Variants in WWOX observed in about 807,000 individuals in gnomAD.
WWOX encodes WW domain containing oxidoreductase.
Under a neutral mutation model 46.2 loss-of-function variants are expected in WWOX, and 69 were observed. The observed-to-expected ratio is 1.49, with a 90% CI of 1.23 to 1.82. WWOX has a LOEUF of 1.82. Ranked by LOEUF, WWOX falls within the 40% of genes most tolerant of loss-of-function variation. The probability of loss-of-function intolerance (pLI) is 0.00; values close to 1 mark genes in which losing one functional copy is unlikely to be tolerated. For synonymous variants in WWOX, 359 were observed against 202.6 expected (o/e 1.77, Z -6.56); for missense variants, 919 against 542.6 (o/e 1.69, Z -6.89).
intron 8 of WWOX, among the ~76,000 whole-genome samples, chr16:79,052,287 T>G (rs781322747): frequency 1.3e-5 from 2 of 150,446 alleles, no homozygotes; most frequent in Non-Finnish European, 3.0e-5. Flanking sequence ...AGAATATGCG[T>G]TGTTTGGTGT....
chr16:78,985,692 C>T (rs776877477), intron 8 of WWOX, among the ~76,000 whole-genome samples: 2 of 152,210 alleles, frequency 1.3e-5, no homozygotes, highest in Non-Finnish European at 2.9e-5. Flanking sequence ...TTGCTTGAAT[C>T]CAAGAGATGG....
intron 8 of WWOX, among the ~76,000 whole-genome samples, chr16:78,877,138 G>A (rs1353068987): frequency 2.0e-5 from 3 of 152,144 alleles, no homozygotes; most frequent in African/African-American, 7.2e-5. Context: ...TCCTTCATCT[G>A]TTAATTTAGT....
chr16:78,642,927 T>C (rs2046754793), intron 8 of WWOX, among the ~76,000 whole-genome samples: 2 of 152,210 alleles, frequency 1.3e-5, no homozygotes, highest in African/African-American at 4.8e-5. Context: ...CCTGGGATGA[T>C]AGCTTATAAT....
intron 8 of WWOX, among the ~76,000 whole-genome samples, chr16:78,856,877 G>T (rs2052579323): frequency 6.6e-6 from 1 of 152,112 alleles, no homozygotes; most frequent in African/African-American, 2.4e-5. Context: ...CCATCATAGA[G>T]TATACCTATA....
intron 8 of WWOX, among the ~76,000 whole-genome samples, chr16:79,006,996 CT>C (rs1349216032): frequency 6.6e-6 from 1 of 152,100 alleles, no homozygotes; most frequent in Non-Finnish European, 1.5e-5. Context: ...GTCGCGTAAC[CT>C]AACATATTCA....
chr16:78,314,170 G>A (rs1291658959), intron 5 of WWOX, among the ~76,000 whole-genome samples: 1 of 152,040 alleles, frequency 6.6e-6, no homozygotes, highest in Non-Finnish European at 1.5e-5. Flanking sequence ...ACTTTGGGAG[G>A]CAGAGGCTGG....
At chr16:78,326,252 G>A (rs1008576716) in intron 5 of WWOX, among the ~76,000 whole-genome samples, 8 of 152,186 alleles carry the variant, frequency 5.3e-5, no homozygotes, top group African/African-American at 1.9e-4. Context: ...AAAACACAAC[G>A]GTTGCTGTCA....
intron 5 of WWOX, among the ~76,000 whole-genome samples, chr16:78,188,239 C>G (rs779333685): frequency 2.0e-5 from 3 of 152,082 alleles, no homozygotes; most frequent in African/African-American, 4.8e-5. Flanking sequence ...CCTGTAATCC[C>G]AGCACTTTGG....
At chr16:78,737,667 A>T (rs982620282) in intron 8 of WWOX, among the ~76,000 whole-genome samples, 2 of 152,142 alleles carry the variant, frequency 1.3e-5, no homozygotes, top group Non-Finnish European at 2.9e-5. Context: ...CTCCCAGTCT[A>T]CAGGGTTATA....
chr16:78,353,078 G>T (rs1449748172), intron 5 of WWOX, among the ~76,000 whole-genome samples: 1 of 151,890 alleles, frequency 6.6e-6, no homozygotes, highest in Non-Finnish European at 1.5e-5. Context: ...TTTGTATGAG[G>T]AATAAATAAA....
chr16:78,304,158 C>G (rs1038326023), intron 5 of WWOX, among the ~76,000 whole-genome samples: 3 of 152,196 alleles, frequency 2.0e-5, no homozygotes, highest in South Asian at 4.1e-4. Context: ...GGCCTCTTCT[C>G]CCGATCAGCT....
At chr16:78,661,519 T>C (rs764341416) in intron 8 of WWOX, among the ~76,000 whole-genome samples, 5 of 152,176 alleles carry the variant, frequency 3.3e-5, no homozygotes, top group African/African-American at 1.2e-4. Flanking sequence ...ATTAAACATT[T>C]ATGATTTAGC....
At chr16:78,160,110 C>T (rs2034742528) in intron 4 of WWOX, among the ~76,000 whole-genome samples, 1 of 151,708 alleles carries the variant, frequency 6.6e-6, no homozygotes, top group Non-Finnish European at 1.5e-5. Context: ...TTTCTTTAGG[C>T]TTAATTTGCT....
At position 79,211,742 on chromosome 16, in the gene WWOX, G is replaced by C. The variant is rs749223740; in HGVS notation, c.1191G>C (p.Leu397=). ...AGAGCGAAGAGACGGCCCGGACCCTGTGGGCGCTCAGCGAGAGGCTGATCC... is the reference window on the plus strand; with the variant it reads ...AGAGCGAAGAGACGGCCCGGACCCTCTGGGCGCTCAGCGAGAGGCTGATCC... ...EAQSEETART[L]WALSERLIQE... Residue 397 remains leucine, a synonymous_variant, in exon 9 of 9, where the codon CTG becomes CTC. Coordinates refer to ENST00000566780, the MANE Select transcript of WWOX (RefSeq NM_016373.4). 6.2e-7 allele frequency: 1 copy of C among 1,614,214 alleles called. No homozygotes were observed. The highest frequency in any genetic ancestry group is 8.5e-7 in the Non-Finnish European group (1 of 1,180,028).
intron 8 of WWOX, among the ~76,000 whole-genome samples, chr16:78,757,771 A>C (rs1365581009): frequency 6.6e-6 from 1 of 151,984 alleles, no homozygotes; most frequent in Non-Finnish European, 1.5e-5. Context: ...TGATTGACAG[A>C]TAGCGACCTT....
intron 8 of WWOX, among the ~76,000 whole-genome samples, chr16:78,900,243 C>T (rs1314868471): frequency 6.6e-6 from 1 of 151,944 alleles, no homozygotes; most frequent in East Asian, 1.9e-4. Flanking sequence ...CTTTTCTCCT[C>T]CTGTTTTGTG....
At chr16:78,764,311 T>A (rs182201973) in intron 8 of WWOX, among the ~76,000 whole-genome samples, 33 of 151,844 alleles carry the variant, frequency 2.2e-4, no homozygotes, top group African/African-American at 7.5e-4. Flanking sequence ...TATGGCCTTT[T>A]GGTCAGCATT....
At chr16:78,592,302 A>G (rs1212972981) in intron 8 of WWOX, among the ~76,000 whole-genome samples, 1 of 152,186 alleles carries the variant, frequency 6.6e-6, no homozygotes, top group Non-Finnish European at 1.5e-5. Context: ...TTCTGCCAAG[A>G]TGTGGAATTT....
At chr16:78,971,041 C>G (rs1038355758) in intron 8 of WWOX, among the ~76,000 whole-genome samples, 16 of 151,832 alleles carry the variant, frequency 1.1e-4, no homozygotes, top group African/African-American at 3.6e-4. Context: ...GCTCCTCACT[C>G]TGTTTCCCAG....
Sources: gnomAD v4.1 joint callset for allele counts (sites outside exome capture counted in the v4.1 genomes callset) on GRCh38, gnomAD v4.1.1 for gene constraint, MANE v1.5 for transcripts, NCBI Gene and HGNC (gene_info 2026-07-23, HGNC 2026-07-21) for gene names.